The following PKHD1L1 variants were observed in gnomAD, a reference collection of about 807,000 sequenced individuals.
The protein encoded by PKHD1L1 is fibrocystin-L.
A neutral mutation model predicts 462.9 loss-of-function variants in PKHD1L1; 434 were observed. The ratio of observed to expected loss-of-function variants is 0.94; its 90% CI spans 0.87 to 1.02. The LOEUF (loss-of-function observed/expected upper bound fraction) is 1.02. Among genes scored for constraint, PKHD1L1 ranks in the 50% least tolerant of loss-of-function variants. The pLI is 0.00. For missense variants in PKHD1L1, 5,202 were observed against 5,096.1 expected, an observed-to-expected ratio of 1.02 and a Z score of -0.63; for synonymous variants, 1,781 against 1,750.0, an observed-to-expected ratio of 1.02 and a Z score of -0.44.
At chr8:109,383,041 A>G (rs1296785391) in intron 4 of PKHD1L1, among the ~76,000 whole-genome samples, 2 of 136,834 alleles carry the variant, frequency 1.5e-5, no homozygotes, top group African/African-American at 5.4e-5. Flanking sequence ...ATATATAATT[A>G]AATTAGTTAT....
At position 109,485,070 on chromosome 8, in the gene PKHD1L1, C is replaced by T. The variant is rs1159735668; in HGVS notation, c.9603C>T (p.Thr3201=). ...AGGGAGAAGAGATTGTGATAACAAC[C>T]ACAAGCTACGATTTCCACCAGACAG... ...WQEGEEIVIT[T]TSYDFHQTET... The change falls in exon 58 of 78, where the codon ACC becomes ACT. Residue 3201 remains threonine, a synonymous_variant. Coordinates refer to ENST00000378402, the MANE Select transcript of PKHD1L1 (RefSeq NM_177531.6). 2 of 1,599,230 alleles carry T rather than the reference C, an allele frequency of 1.3e-6. No homozygotes were observed. The highest frequency in any genetic ancestry group is 1.1e-5 in the South Asian group (1 of 87,752).
chr8:109,505,884 A>C (rs1249567965), intron 68 of PKHD1L1, among the ~76,000 whole-genome samples: 1 of 152,196 alleles, frequency 6.6e-6, no homozygotes, highest in Non-Finnish European at 1.5e-5. Flanking sequence ...CAGCTTGGGC[A>C]ACACAGTGAG....
At chr8:109,523,449 T>G in intron 76 of PKHD1L1, 63 bp downstream of exon 76, 1 of 1,431,668 alleles carries the variant, frequency 7.0e-7, no homozygotes, top group Non-Finnish European at 9.5e-7. Flanking sequence ...ATAATGTTCT[T>G]TTAATGAACA....
intron 65 of PKHD1L1, 31 bp from the exon 66 acceptor site, chr8:109,498,431 A>G: frequency 3.3e-6 from 5 of 1,492,854 alleles, no homozygotes; most frequent in Non-Finnish European, 4.7e-6. Context: ...GCTATTATTA[A>G]TGCTATATTG....
chr8:109,470,239 T>A, intron 50 of PKHD1L1: 1 of 1,325,758 alleles, frequency 7.5e-7, no homozygotes, highest in Admixed American at 1.8e-5. Context: ...TTGGAAATAC[T>A]CAGATCATCA....
rs1173789702 is a variant in PKHD1L1 at position 109,420,611 on chromosome 8, T to C, written c.2618T>C (p.Met873Thr). Residue 873 changes from methionine (M) to threonine (T), a missense_variant, in exon 23 of 78, where the codon ATG becomes ACG. This residue lies in a region of PKHD1L1 where 4,497 missense variants were observed against 4,336.8 expected (regional missense o/e 1.04). Coordinates refer to ENST00000378402, the MANE Select transcript of PKHD1L1 (RefSeq NM_177531.6). ...VNQTKTNGPT[M>T]TNQYSVTMTS... ...CAGACCAAAACAAATGGGCCAACTA[T>C]GACAAACCAATATTCTGTTACCATG... 1.2e-6 allele frequency: 2 copies of C among 1,609,978 alleles called. No individual in the cohort carries two copies. The highest frequency in any genetic ancestry group is 8.5e-7 in the Non-Finnish European group (1 of 1,177,894).
At position 109,480,154 on chromosome 8, in the gene PKHD1L1, C is replaced by A; in HGVS notation, c.9327+15C>A. 2 of 1,527,660 alleles carry A rather than the reference C, an allele frequency of 1.3e-6. No individual in the cohort carries two copies. Among genetic ancestry groups the A allele is most frequent in the East Asian group, 2.4e-5 (1 of 41,280 alleles). 94.6% of individuals were successfully genotyped at this position (1,527,660 alleles called of 1,614,324 possible). A position where few individuals can be genotyped will look rare whatever the true frequency, so the allele number is the denominator to read the frequency against. On this transcript the variant is annotated intron_variant, in intron 55 of 77. Transcript: ENST00000378402. ...TATCACTGCAGGTAAGAGTGAGGGCCTTGTAGTTTATATCTTTATTAATCT... is the reference window on the plus strand; with the variant it reads ...TATCACTGCAGGTAAGAGTGAGGGCATTGTAGTTTATATCTTTATTAATCT...
In PKHD1L1 at chr8:109,486,725, A is replaced by G. The variant is rs746498441; in HGVS notation, c.9784A>G (p.Lys3262Glu). ...ADVGILSRNI[K>E]IVGEDYPGWS... Reference sequence around the variant, plus strand: ...TGTTGGGATACTGAGTAGGAACATCAAAATAGTTGGTGAAGATTACCCCGG... The same window carrying G: ...TGTTGGGATACTGAGTAGGAACATCGAAATAGTTGGTGAAGATTACCCCGG... The change falls in exon 59 of 78, where the codon AAA (lysine) becomes GAA (glutamate). Residue 3262 changes from lysine to glutamate, a missense_variant. Around this residue, in one of 3 missense-constraint regions of PKHD1L1, gnomAD observed 4,497 missense variants for 4,336.8 expected, o/e 1.04. Transcript: ENST00000378402. 6.2e-6 allele frequency: 10 copies of G among 1,612,532 alleles called. No homozygotes were observed. In the South Asian group the frequency reaches 7.7e-5, roughly 12 times the overall value.
intron 52 of PKHD1L1, among the ~76,000 whole-genome samples, 167 bp from the exon 53 acceptor site, chr8:109,477,058 A>G (rs1818024817): frequency 6.6e-6 from 1 of 152,176 alleles, no homozygotes; most frequent in African/African-American, 2.4e-5. Context: ...GACCGTGTAT[A>G]TCTTTATAAT....
intron 74 of PKHD1L1, 24 bp downstream of exon 74, chr8:109,522,361 A>C: frequency 1.3e-6 from 2 of 1,514,244 alleles, no homozygotes; most frequent in South Asian, 2.6e-5. Context: ...ACTAGAAAAA[A>C]TGCATTTTTT....
intron 77 of PKHD1L1, 45 bp from the exon 78 acceptor site, chr8:109,530,035 G>A (rs1022159363): frequency 5.9e-5 from 69 of 1,161,584 alleles, no homozygotes; most frequent in Admixed American, 5.2e-4. Context: ...TATACTATAT[G>A]CTATTTCTAC....
chr8:109,535,873 A>T lies in PKHD1L1; in HGVS notation c.*5783A>T, dbSNP rs1279497837. Among the ~76,000 whole-genome samples, 1 of 152,228 alleles carries T rather than the reference A, an allele frequency of 6.6e-6. No individual in the cohort carries two copies. The highest frequency in any genetic ancestry group is 1.5e-5 in the Non-Finnish European group (1 of 68,028). ...GGCAACAGATCTTGGTATGAAATAA[A>T]TATCCCATGAGTAGTACATAAAAGC... On this transcript the variant is annotated 3_prime_UTR_variant, in exon 78 of 78. Coordinates refer to ENST00000378402, the MANE Select transcript of PKHD1L1 (RefSeq NM_177531.6).
intron 10 of PKHD1L1, among the ~76,000 whole-genome samples, chr8:109,394,790 A>T (rs1812888317): frequency 6.6e-6 from 1 of 152,238 alleles, no homozygotes; most frequent in South Asian, 2.1e-4. Flanking sequence ...AAAAATCTCC[A>T]CTGTCAATCT....
At chr8:109,497,874 C>T (rs976781974) in intron 65 of PKHD1L1, among the ~76,000 whole-genome samples, 4 of 152,172 alleles carry the variant, frequency 2.6e-5, no homozygotes, top group African/African-American at 9.6e-5. Flanking sequence ...CTTTTTTGTG[C>T]CTACTGTTCC....
rs755471318 is a variant in PKHD1L1 at position 109,371,443 on chromosome 8, A to G, written c.163+6807A>G. ...GAGTAGGTTGCGAAAATTTTCTCCCATTCTGTAGGTTGCCTGTTCACTCTG... is the reference window on the plus strand; with the variant it reads ...GAGTAGGTTGCGAAAATTTTCTCCCGTTCTGTAGGTTGCCTGTTCACTCTG... On this transcript the variant is annotated intron_variant, in intron 2 of 77. Transcript: ENST00000378402. Among the ~76,000 whole-genome samples, 929 of 150,402 alleles carry G rather than the reference A, an allele frequency of 6.2e-3. 6 individuals are homozygous for G. The highest frequency in any genetic ancestry group is 0.045 in the Middle Eastern group (13 of 292).
In PKHD1L1 at chr8:109,464,958, T is replaced by C. The variant is rs1179237206; in HGVS notation, c.8126T>C (p.Ile2709Thr). 3.7e-6 allele frequency: 6 copies of C among 1,613,634 alleles called. No individual in the cohort carries two copies. In the East Asian group the frequency reaches 1.1e-4, roughly 30 times the overall value. ...TNGAVIKNAKIVGHLDELGMG... is the reference protein window; with the variant it reads ...TNGAVIKNAKTVGHLDELGMG... ...GGAGCGGTGATTAAAAATGCCAAAA[T>C]AGTCGGCCATCTTGATGAACTGGGA... is the stretch of plus-strand genomic sequence containing the variant. The change falls in exon 49 of 78, where the codon ATA (isoleucine) becomes ACA (threonine). Residue 2709 changes from isoleucine (I) to threonine (T), a missense_variant. By Grantham distance (89) the Ile-to-Thr change is moderately conservative. This residue lies in a region of PKHD1L1 where 4,497 missense variants were observed against 4,336.8 expected (regional missense o/e 1.04). Transcript: ENST00000378402.
rs1431401952 is a variant in PKHD1L1, at chr8:109,491,034, A to T, written c.10047A>T (p.Ala3349=). ...GCAFHHGFSP[A]IGVFGTDGLD... ...CTTTTCACCATGGCTTCTCTCCAGCAATTGGTGTATTTGGGACAGATGGAT... is the reference window on the plus strand; with the variant it reads ...CTTTTCACCATGGCTTCTCTCCAGCTATTGGTGTATTTGGGACAGATGGAT... The change falls in exon 61 of 78, where the codon GCA becomes GCT. Residue 3349 remains alanine (A), a synonymous_variant. Coordinates refer to ENST00000378402, the MANE Select transcript of PKHD1L1 (RefSeq NM_177531.6). The T allele has an allele frequency of 6.2e-7, 1 of 1,610,212 alleles. No homozygotes were observed. The highest frequency in any genetic ancestry group is 8.5e-7 in the Non-Finnish European group (1 of 1,177,142).
intron 24 of PKHD1L1, among the ~76,000 whole-genome samples, 200 bp from the exon 25 acceptor site, chr8:109,426,802 A>G (rs1298592755): frequency 2.0e-5 from 3 of 152,072 alleles, no homozygotes; most frequent in Non-Finnish European, 4.4e-5. Flanking sequence ...ACAGGCACGC[A>G]CCACCATGCC....
At chr8:109,414,336 G>A (rs1814015823) in intron 21 of PKHD1L1, among the ~76,000 whole-genome samples, 1 of 152,110 alleles carries the variant, frequency 6.6e-6, no homozygotes, top group Non-Finnish European at 1.5e-5. Flanking sequence ...GCACAGTTTA[G>A]TGAGTTTTAA....
Sources: allele counts gnomAD v4.1 joint callset (sites outside exome capture counted in the v4.1 genomes callset), GRCh38; gene constraint gnomAD v4.1.1; regional missense constraint gnomAD v4.1.1; transcripts MANE v1.5; gene names NCBI Gene and HGNC (gene_info 2026-07-23, HGNC 2026-07-21).